MID1: variants seen among roughly 807,000 people sequenced by gnomAD.
The protein encoded by MID1 is E3 ubiquitin-protein ligase Midline-1.
A neutral mutation model predicts 40.4 loss-of-function variants in MID1; 7 were observed. The ratio of observed to expected loss-of-function variants is 0.17; its 90% confidence interval spans 0.10 to 0.33. MID1 has a LOEUF of 0.33. Ranked by LOEUF, MID1 falls within the 10% of genes least tolerant of loss-of-function variation. The pLI is 1.00. For missense variants in MID1, 367 were observed against 558.5 expected (o/e 0.66, Z 3.46); for synonymous variants, 229 against 221.2 (o/e 1.04, Z -0.31).
chrX:10,511,612 C>T (rs1932164649), intron 3 of MID1, among the ~76,000 whole-genome samples: 1 of 112,001 alleles, frequency 8.9e-6, no homozygotes, highest in Non-Finnish European at 1.9e-5. Context: ...TGGTTCTAAA[C>T]TCTTGGCCTC....
Position 10,657,746 on chromosome X carries a change from G to A in MID1, c.-186-37327C>T, listed in dbSNP as rs565204540. 2.1e-3 allele frequency among the ~76,000 whole-genome samples: 232 copies of A among 112,107 alleles called. 1 individual carries two copies. Among genetic ancestry groups the A allele is most frequent in the African/African-American group, 7.2e-3 (222 of 30,892 alleles). Reference sequence around the variant, plus strand: ...GAATGATACTCTGATATGGTTCTTCGTCCAAAAGCAAAGTACAACTTAAAA... The same window carrying A: ...GAATGATACTCTGATATGGTTCTTCATCCAAAAGCAAAGTACAACTTAAAA... On this transcript the variant is annotated intron_variant, in intron 1 of 10. Coordinates refer to the MID1 transcript ENST00000380785.
intron 5 of MID1, among the ~76,000 whole-genome samples, chrX:10,481,017 G>A (rs1025499241): frequency 8.9e-6 from 1 of 111,859 alleles, no homozygotes; most frequent in Non-Finnish European, 1.9e-5. Context: ...ATAAGATGGC[G>A]AGTATTTTTT....
chrX:10,485,552 C>T (rs1930571354), intron 4 of MID1, among the ~76,000 whole-genome samples: 1 of 111,790 alleles, frequency 8.9e-6, no homozygotes, highest in Non-Finnish European at 1.9e-5. Context: ...GGAATTTACT[C>T]TCTACTAGTC....
chrX:10,670,485 A>C lies in MID1; in HGVS notation c.-186-50066T>G, dbSNP rs749447228. 2.7e-5 allele frequency among the ~76,000 whole-genome samples: 3 copies of C among 112,094 alleles called. No homozygotes were observed. The South Asian group carries it at 1.1e-3, about 42-fold the overall frequency. ...TCTTTCTTGGCATGATTTTCTTTTA[A>C]AGACCCACCTATATTGAGTGATACT... is the stretch of plus-strand genomic sequence containing the variant. On this transcript the variant is annotated intron_variant, in intron 1 of 10. Coordinates refer to the MID1 transcript ENST00000380785.
chrX:10,735,347 C>T (rs959026488), intron 1 of MID1, among the ~76,000 whole-genome samples: 3 of 112,502 alleles, frequency 2.7e-5, no homozygotes, highest in Non-Finnish European at 5.6e-5. Context: ...GGTGATCCGT[C>T]TGCCTCAGCC....
chrX:10,599,132 A>C (rs1294276425), intron 1 of MID1, among the ~76,000 whole-genome samples: 3 of 111,618 alleles, frequency 2.7e-5, no homozygotes, highest in Non-Finnish European at 5.6e-5. Flanking sequence ...GACAAGTCCT[A>C]GCTCTTGACC....
chrX:10,449,755 A>C (rs748808764), intron 9 of MID1, 39 bp from the exon 10 acceptor site: 1 of 967,656 alleles, frequency 1.0e-6, no homozygotes, highest in Admixed American at 2.3e-5. Context: ...ACAATGAGCC[A>C]TGTTGCACAT....
intron 1 of MID1, among the ~76,000 whole-genome samples, chrX:10,821,511 T>C (rs1292570157): frequency 8.9e-6 from 1 of 112,162 alleles, no homozygotes; most frequent in Non-Finnish European, 1.9e-5. Flanking sequence ...GGCTGGCTGT[T>C]TTGGCATGTG....
At chrX:10,494,903 A>C in intron 4 of MID1, among the ~76,000 whole-genome samples, 1 of 111,868 alleles carries the variant, frequency 8.9e-6, no homozygotes, top group East Asian at 2.8e-4. Context: ...AAATAGAATA[A>C]ACTGATGGAT....
chrX:10,456,194 G>A (rs954707824), intron 8 of MID1, among the ~76,000 whole-genome samples: 1 of 112,446 alleles, frequency 8.9e-6, no homozygotes, highest in Non-Finnish European at 1.9e-5. Context: ...AGTGTGTGTT[G>A]TCACATGTGG....
intron 5 of MID1, among the ~76,000 whole-genome samples, chrX:10,479,368 T>G (rs767009546): frequency 9.0e-6 from 1 of 111,590 alleles, no homozygotes; most frequent in African/African-American, 3.3e-5. Context: ...TTTTAAGTTT[T>G]TTTTTAAACA....
intron 8 of MID1, 56 bp from the exon 9 acceptor site, chrX:10,455,133 T>C: frequency 2.0e-6 from 2 of 1,010,722 alleles, no homozygotes; most frequent in Non-Finnish European, 2.8e-6. Flanking sequence ...GTTTATTTTA[T>C]CATAACCAAT....
chrX:10,587,425 G>A (rs1310422421), intron 1 of MID1, among the ~76,000 whole-genome samples: 3 of 113,140 alleles, frequency 2.7e-5, no homozygotes, highest in African/African-American at 9.6e-5. Context: ...GGGAGACGGA[G>A]GCTGGACAGC....
chrX:10,621,857 T>C (rs763111447), upstream of MID1, among the ~76,000 whole-genome samples: 24 of 107,202 alleles, frequency 2.2e-4, no homozygotes, highest in Non-Finnish European at 3.6e-4. Context: ...CTCAGCACTA[T>C]TGACATTTTG....
intron 2 of MID1, among the ~76,000 whole-genome samples, chrX:10,526,894 C>A (rs1932844902): frequency 9.0e-6 from 1 of 111,429 alleles, no homozygotes; most frequent in Non-Finnish European, 1.9e-5. Flanking sequence ...ACCAAAGGGG[C>A]TGACAACACC....
At chrX:10,586,795 T>C (rs1300946839) in intron 1 of MID1, among the ~76,000 whole-genome samples, 2 of 112,835 alleles carry the variant, frequency 1.8e-5, no homozygotes, top group Admixed American at 1.9e-4. Context: ...TTTTGAGAGA[T>C]AGGCCACTGG....
At chrX:10,549,539 A>G (rs1243796854) in intron 2 of MID1, among the ~76,000 whole-genome samples, 2 of 113,523 alleles carry the variant, frequency 1.8e-5, no homozygotes, top group African/African-American at 6.4e-5. Flanking sequence ...TCCCACAGAA[A>G]CCATATGGCC....
At chrX:10,613,732 T>TATATATAGAG (rs1482081086) in intron 1 of MID1, among the ~76,000 whole-genome samples, 7 of 17,480 alleles carry the variant, frequency 4.0e-4, no homozygotes, top group Admixed American at 8.9e-4. Flanking sequence ...TATATATATA[T>TATATATAGAG]AGAGAGAGAG....
chrX:10,681,723 T>C (rs145040204), intron 1 of MID1, among the ~76,000 whole-genome samples: 52 of 111,591 alleles, frequency 4.7e-4, no homozygotes, highest in African/African-American at 1.6e-3. Flanking sequence ...GTTCAGAAAG[T>C]ATGCGGGGGC....
Sources: allele counts gnomAD v4.1 joint callset (sites outside exome capture counted in the v4.1 genomes callset), GRCh38; gene constraint gnomAD v4.1.1; transcripts MANE v1.5; gene names NCBI Gene and HGNC (gene_info 2026-07-23, HGNC 2026-07-21).